The following LRRIQ1 variants were observed in gnomAD, a reference collection of about 807,000 sequenced individuals.
The protein encoded by LRRIQ1 is leucine rich repeats and IQ motif containing 1, also known as leucine-rich repeat- and IQ domain-containing protein 1.
A neutral mutation model predicts 211.9 loss-of-function variants in LRRIQ1; 210 were observed. The ratio of observed to expected loss-of-function variants is 0.99; its 90% CI spans 0.89 to 1.11. The LOEUF is 1.11. LRRIQ1 is among the 50% of genes most tolerant of loss of function. The pLI is 0.00. For missense variants in LRRIQ1, 2,136 were observed against 1,939.5 expected (o/e 1.10, Z -1.90); for synonymous variants, 699 against 650.1 (o/e 1.08, Z -1.14).
intron 13 of LRRIQ1, among the ~76,000 whole-genome samples, chr12:85,102,958 AAATATATAT>A (rs1364161553): frequency 1.7e-5 from 2 of 118,402 alleles, no homozygotes; most frequent in Non-Finnish European, 3.4e-5. Context: ...AAAAAAAAAA[AAATATATAT>A]ATATATATAT....
chr12:85,205,420 A>G (rs1248781921), intron 24 of LRRIQ1, among the ~76,000 whole-genome samples: 1 of 152,188 alleles, frequency 6.6e-6, no homozygotes, highest in African/African-American at 2.4e-5. Flanking sequence ...AATTCTGAAT[A>G]TAGGCCCCCA....
Position 85,182,714 on chromosome 12 carries a change from G to C in LRRIQ1, c.4822+22000G>C, listed in dbSNP as rs11609649. ...CCACCAGCCCTTTAACATGTAAAAT[G>C]AGTAGGTTACTTGTGTCCAGTACAT... On this transcript the variant is annotated intron_variant, in intron 24 of 26. Coordinates refer to ENST00000393217, the MANE Select transcript of LRRIQ1 (RefSeq NM_001079910.2). Among the ~76,000 whole-genome samples, 12 of 152,126 alleles carry C rather than the reference G, an allele frequency of 7.9e-5. No homozygotes were observed. The South Asian group carries it at 1.0e-3, about 13-fold the overall frequency.
chr12:85,212,811 GAA>G (rs1290567483), intron 24 of LRRIQ1, among the ~76,000 whole-genome samples: 1 of 149,690 alleles, frequency 6.7e-6, no homozygotes, highest in African/African-American at 2.4e-5. Flanking sequence ...AAGAGAGAGA[GAA>G]AGAGAGAGAG....
intron 11 of LRRIQ1, among the ~76,000 whole-genome samples, chr12:85,085,178 A>G (rs1228229289): frequency 6.6e-6 from 1 of 152,124 alleles, no homozygotes; most frequent in Non-Finnish European, 1.5e-5. Context: ...AGTGTGATAA[A>G]TACCCGAGAC....
intron 24 of LRRIQ1, among the ~76,000 whole-genome samples, chr12:85,200,915 G>A (rs375841475): frequency 1.3e-5 from 2 of 152,108 alleles, no homozygotes; most frequent in African/African-American, 4.8e-5. Context: ...CACCTCCTGG[G>A]TTCCAGCGAT....
At chr12:85,230,203 A>T (rs1430121351) in intron 25 of LRRIQ1, among the ~76,000 whole-genome samples, 1 of 152,220 alleles carries the variant, frequency 6.6e-6, no homozygotes, top group Non-Finnish European at 1.5e-5. Flanking sequence ...AAAGTTGCTT[A>T]ATTAATTTTT....
At chr12:85,114,678 A>G (rs899895959) in intron 15 of LRRIQ1, among the ~76,000 whole-genome samples, 1 of 152,058 alleles carries the variant, frequency 6.6e-6, no homozygotes, top group Non-Finnish European at 1.5e-5. Flanking sequence ...AATAATATTT[A>G]TAAGTATGAA....
chr12:85,170,128 T>A (rs1049296181), intron 24 of LRRIQ1, among the ~76,000 whole-genome samples: 3 of 151,988 alleles, frequency 2.0e-5, no homozygotes, highest in Non-Finnish European at 4.4e-5. Context: ...CAATCTAAGG[T>A]CTGAGAGCAA....
At chr12:85,240,606 T>C (rs1364446979) in intron 26 of LRRIQ1, among the ~76,000 whole-genome samples, 1 of 152,024 alleles carries the variant, frequency 6.6e-6, no homozygotes, top group African/African-American at 2.4e-5. Flanking sequence ...TCAAATCTCA[T>C]TGAATGGGTA....
At chr12:85,183,390 A>G (rs921979530) in intron 24 of LRRIQ1, among the ~76,000 whole-genome samples, 36 of 152,096 alleles carry the variant, frequency 2.4e-4, no homozygotes, top group Non-Finnish European at 5.0e-4. Context: ...AGACTGAAAA[A>G]AAAATCATTT....
At chr12:85,140,640 A>G (rs1445631454) in intron 19 of LRRIQ1, among the ~76,000 whole-genome samples, 1 of 151,106 alleles carries the variant, frequency 6.6e-6, no homozygotes, top group Non-Finnish European at 1.5e-5. Flanking sequence ...AATAGTGATG[A>G]TATTAGCAAG....
intron 1 of LRRIQ1, among the ~76,000 whole-genome samples, chr12:85,250,725 G>C (rs1388972974): frequency 7.0e-6 from 1 of 142,654 alleles, no homozygotes; most frequent in East Asian, 2.0e-4. Flanking sequence ...GGACAACAGA[G>C]CAAGGCTCTG....
Position 85,046,015 on chromosome 12 carries a change from C to T in LRRIQ1, c.337-5C>T, listed in dbSNP as rs1477989912. On this transcript the variant is annotated splice_region_variant and splice_polypyrimidine_tract_variant and intron_variant, in intron 4 of 26. Coordinates refer to ENST00000393217, the MANE Select transcript of LRRIQ1 (RefSeq NM_001079910.2). ...TTAATCATTGGTACTCATTTAACCT[C>T]TTAGATATTATCTGAAATAGAAAAA... The T allele has an allele frequency of 3.9e-6, 6 of 1,538,354 alleles. No homozygotes were observed. Among genetic ancestry groups the T allele is most frequent in the Non-Finnish European group, 5.4e-6 (6 of 1,113,286 alleles).
intron 11 of LRRIQ1, among the ~76,000 whole-genome samples, chr12:85,096,325 G>A (rs1885876359): frequency 6.6e-6 from 1 of 152,074 alleles, no homozygotes; most frequent in Non-Finnish European, 1.5e-5. Flanking sequence ...TCTTAACACT[G>A]TTGTAGCTGT....
intron 7 of LRRIQ1, among the ~76,000 whole-genome samples, chr12:85,053,984 G>A (rs1263393863): frequency 6.6e-6 from 1 of 152,192 alleles, no homozygotes; most frequent in Non-Finnish European, 1.5e-5. Context: ...GTGGAATACA[G>A]ATTTATTACC....
intron 19 of LRRIQ1, among the ~76,000 whole-genome samples, chr12:85,143,250 T>C (rs1392682057): frequency 6.6e-6 from 1 of 151,818 alleles, no homozygotes; most frequent in Non-Finnish European, 1.5e-5. Context: ...GCCACTTGTA[T>C]GTCTTCTTTT....
chr12:85,076,332 T>C (rs932686020), intron 11 of LRRIQ1, among the ~76,000 whole-genome samples: 33 of 151,948 alleles, frequency 2.2e-4, no homozygotes, highest in African/African-American at 7.9e-4. Context: ...AAATATTGAA[T>C]AAAAATAAAA....
At position 85,056,191 on chromosome 12, in the gene LRRIQ1, A is replaced by G. The variant is rs1366752585; in HGVS notation, c.1398A>G (p.Lys466=). Residue 466 remains lysine (K), a synonymous_variant, in exon 8 of 27, where the codon AAA becomes AAG. Coordinates refer to ENST00000393217, the MANE Select transcript of LRRIQ1 (RefSeq NM_001079910.2). ...ILKESIQVKL[K]ESISSQTILA... The stretch of plus-strand genomic sequence containing the variant: ...AAGAATCAATACAAGTAAAGTTAAA[A>G]GAATCTATATCAAGCCAAACAATTC... The G allele has an allele frequency of 2.5e-6, 4 of 1,577,198 alleles. No homozygotes were observed. Among genetic ancestry groups the G allele is most frequent in the South Asian group, 2.4e-5 (2 of 83,200 alleles).
chr12:85,153,726 A>G lies in LRRIQ1; in HGVS notation c.4605A>G (p.Lys1535=). The change falls in exon 22 of 27, where the codon AAA becomes AAG. Residue 1535 remains lysine (K), a synonymous_variant. Coordinates refer to ENST00000393217, the MANE Select transcript of LRRIQ1 (RefSeq NM_001079910.2). ...AGACCAGTAGAAAGAGTTTGCTAAAATCTGAAAAAGAAAAAAAAATTTCAG... is the reference window on the plus strand; with the variant it reads ...AGACCAGTAGAAAGAGTTTGCTAAAGTCTGAAAAAGAAAAAAAAATTTCAG... ...ESKTSRKSLL[K]SEKEKKISEE... is the part of the protein sequence containing the mutation. 1.9e-6 allele frequency: 3 copies of G among 1,578,956 alleles called. No homozygotes were observed. The highest frequency in any genetic ancestry group is 1.7e-6 in the Non-Finnish European group (2 of 1,164,926).
Sources: gnomAD v4.1 joint callset for allele counts (sites outside exome capture counted in the v4.1 genomes callset) on GRCh38, gnomAD v4.1.1 for gene constraint, MANE v1.5 for transcripts, NCBI Gene and HGNC (gene_info 2026-07-23, HGNC 2026-07-21) for gene names.